Variants in LRRC4C observed in about 807,000 individuals in gnomAD.
LRRC4C encodes the protein leucine-rich repeat-containing protein 4C.
In LRRC4C, 5 loss-of-function variants were observed where a neutral mutation model predicts 33.6. The observed-to-expected ratio is 0.15, with a 90% CI of 0.08 to 0.31. The LOEUF is 0.31. Ranked by LOEUF, LRRC4C falls within the 10% of genes least tolerant of loss-of-function variation. The probability of loss-of-function intolerance (pLI) is 1.00; values close to 1 mark genes in which losing one functional copy is unlikely to be tolerated. For missense variants in LRRC4C, 560 were observed against 796.7 expected (o/e 0.70, Z 3.58); for synonymous variants, 329 against 302.0 (o/e 1.09, Z -0.93).
intron 1 of LRRC4C, among the ~76,000 whole-genome samples, chr11:41,395,494 A>G (rs1953773091): frequency 6.6e-6 from 1 of 152,018 alleles, no homozygotes; most frequent in Non-Finnish European, 1.5e-5. Flanking sequence ...TTTGTGCACC[A>G]TAATTGAATA....
intron 2 of LRRC4C, among the ~76,000 whole-genome samples, chr11:40,720,265 G>T (rs895699766): frequency 6.6e-6 from 1 of 152,074 alleles, no homozygotes; most frequent in Non-Finnish European, 1.5e-5. Flanking sequence ...AACTCCATTT[G>T]GTCCTTTCAA....
intron 4 of LRRC4C, among the ~76,000 whole-genome samples, chr11:40,306,448 G>T (rs1470423062): frequency 3.3e-5 from 5 of 152,030 alleles, no homozygotes; most frequent in Non-Finnish European, 5.9e-5. Flanking sequence ...AACTGTCCCC[G>T]ATACACACCC....
intron 3 of LRRC4C, among the ~76,000 whole-genome samples, chr11:40,571,311 C>T (rs1441621924): frequency 2.0e-5 from 3 of 151,794 alleles, no homozygotes; most frequent in Non-Finnish European, 4.4e-5. Context: ...CATTGCCCAC[C>T]GATGTTAATT....
chr11:40,841,101 C>T (rs141568209), intron 2 of LRRC4C, among the ~76,000 whole-genome samples: 136 of 152,228 alleles, frequency 8.9e-4, no homozygotes, highest in African/African-American at 3.2e-3. Context: ...ACTGCATCTG[C>T]CATCTAATTA....
intron 1 of LRRC4C, among the ~76,000 whole-genome samples, chr11:40,954,777 G>A (rs1027929753): frequency 2.0e-5 from 3 of 151,766 alleles, no homozygotes; most frequent in Non-Finnish European, 4.4e-5. Context: ...GCTGTGGCTT[G>A]GCACCACCAT....
chr11:40,271,253 G>A (rs1942674265), intron 4 of LRRC4C, among the ~76,000 whole-genome samples: 1 of 152,058 alleles, frequency 6.6e-6, no homozygotes, highest in African/African-American at 2.4e-5. Context: ...TAAATGAAAA[G>A]TCTACAGTTT....
intron 1 of LRRC4C, among the ~76,000 whole-genome samples, chr11:41,068,366 G>A (rs1446855027): frequency 6.6e-6 from 1 of 151,936 alleles, no homozygotes; most frequent in Non-Finnish European, 1.5e-5. Context: ...ACTCTAGCTT[G>A]GGCAACAGAG....
chr11:40,452,621 G>A (rs940618439), intron 3 of LRRC4C, among the ~76,000 whole-genome samples: 31 of 152,336 alleles, frequency 2.0e-4, no homozygotes, highest in East Asian at 7.7e-4. Flanking sequence ...AAGTCAGTGT[G>A]TCGATTCCTC....
chr11:40,416,242 C>G (rs1342432511), intron 3 of LRRC4C, among the ~76,000 whole-genome samples: 1 of 152,074 alleles, frequency 6.6e-6, no homozygotes, highest in East Asian at 1.9e-4. Flanking sequence ...CTGGCCCTAG[C>G]TGTAAGAATG....
intron 2 of LRRC4C, among the ~76,000 whole-genome samples, chr11:40,823,390 G>A (rs1407285110): frequency 6.6e-6 from 1 of 151,580 alleles, no homozygotes; most frequent in South Asian, 2.1e-4. Flanking sequence ...ATTTCCAAGG[G>A]TGGGAGAAAA....
chr11:41,287,254 A>G (rs573440766), intron 1 of LRRC4C, among the ~76,000 whole-genome samples: 20 of 152,220 alleles, frequency 1.3e-4, no homozygotes, highest in Non-Finnish European at 2.8e-4. Flanking sequence ...AGAAAGAACT[A>G]TAACAGGGAA....
intron 2 of LRRC4C, among the ~76,000 whole-genome samples, chr11:40,845,033 T>A (rs1219630029): frequency 6.6e-6 from 1 of 152,106 alleles, no homozygotes; most frequent in Non-Finnish European, 1.5e-5. Flanking sequence ...CATCATGCTG[T>A]TTAGTTTTCT....
At chr11:40,208,000 G>T (rs982417348) in intron 5 of LRRC4C, among the ~76,000 whole-genome samples, 1 of 152,058 alleles carries the variant, frequency 6.6e-6, no homozygotes, top group African/African-American at 2.4e-5. Context: ...ACAATACTAC[G>T]GGACACTAAG....
chr11:40,826,442 A>G (rs888072684), intron 2 of LRRC4C, among the ~76,000 whole-genome samples: 1 of 151,938 alleles, frequency 6.6e-6, no homozygotes, highest in Non-Finnish European at 1.5e-5. Flanking sequence ...CAGAAGCACA[A>G]AGTCACAGTG....
At chr11:41,062,161 TG>T (rs1937827142) in intron 1 of LRRC4C, among the ~76,000 whole-genome samples, 1 of 152,236 alleles carries the variant, frequency 6.6e-6, no homozygotes, top group Admixed American at 6.5e-5. Flanking sequence ...ACCTGTGCCA[TG>T]GAGGTTTGTT....
intron 5 of LRRC4C, among the ~76,000 whole-genome samples, chr11:40,144,513 A>G (rs1228596262): frequency 6.6e-6 from 1 of 152,214 alleles, no homozygotes; most frequent in Non-Finnish European, 1.5e-5. Flanking sequence ...GATCTTTTAC[A>G]TAGCACTTTG....
intron 2 of LRRC4C, among the ~76,000 whole-genome samples, chr11:40,737,375 T>A (rs1947925927): frequency 6.6e-6 from 1 of 152,060 alleles, no homozygotes; most frequent in Non-Finnish European, 1.5e-5. Context: ...GCCAGGGCAA[T>A]TAGGCAAGAG....
intron 2 of LRRC4C, among the ~76,000 whole-genome samples, chr11:40,667,927 G>T (rs894683113): frequency 2.6e-5 from 4 of 152,132 alleles, no homozygotes; most frequent in Non-Finnish European, 5.9e-5. Flanking sequence ...CCTACCTTAG[G>T]TAACATGTTC....
chr11:40,433,230 ATC>A (rs1321473340), intron 3 of LRRC4C, among the ~76,000 whole-genome samples: 5 of 152,066 alleles, frequency 3.3e-5, no homozygotes, highest in African/African-American at 1.2e-4. Flanking sequence ...TGTGGATACA[ATC>A]TCTCTTGACA....
Sources: gnomAD v4.1 joint callset for allele counts (sites outside exome capture counted in the v4.1 genomes callset) on GRCh38, gnomAD v4.1.1 for gene constraint, MANE v1.5 for transcripts, NCBI Gene and HGNC (gene_info 2026-07-23, HGNC 2026-07-21) for gene names.